The following FRY variants were observed in gnomAD, a reference collection of about 807,000 sequenced individuals.
FRY encodes the protein FRY microtubule binding protein, also known as protein furry homolog.
Under a neutral mutation model 348.4 loss-of-function variants are expected in FRY, and 128 were observed. The observed-to-expected ratio is 0.37, with a 90% CI of 0.32 to 0.43. The LOEUF is 0.43. Ranked by LOEUF, FRY falls within the 20% of genes least tolerant of loss-of-function variation. The pLI, the probability that FRY is intolerant of heterozygous loss-of-function variation, is 1.00. For synonymous variants in FRY, 1,370 were observed against 1,374.7 expected, an observed-to-expected ratio of 1.00 and a Z score of 0.08; for missense variants, 2,736 against 3,695.2, an observed-to-expected ratio of 0.74 and a Z score of 6.73.
At chr13:32,217,904 C>T (rs2138384720) in intron 35 of FRY, among the ~76,000 whole-genome samples, 2 of 152,234 alleles carry the variant, frequency 1.3e-5, no homozygotes, top group Admixed American at 1.3e-4. Flanking sequence ...TAACAAGCCA[C>T]AAGAGAGGCC....
intron 2 of FRY, among the ~76,000 whole-genome samples, chr13:32,092,862 T>C (rs1033776538): frequency 1.3e-5 from 2 of 152,118 alleles, no homozygotes; most frequent in Non-Finnish European, 2.9e-5. Flanking sequence ...ATCAAAAAAA[T>C]TGGAGAATTG....
chr13:32,278,529 C>T lies in FRY; in HGVS notation c.8450C>T (p.Pro2817Leu), dbSNP rs1170446664. 7 of 1,574,038 alleles carry T rather than the reference C, an allele frequency of 4.4e-6. No homozygotes were observed. Among genetic ancestry groups the T allele is most frequent in the Non-Finnish European group, 6.1e-6 (7 of 1,143,700 alleles). Residue 2817 changes from proline (P) to leucine (L), a missense_variant, in exon 58 of 61, where the codon CCA becomes CTA. By Grantham distance (98) the Pro-to-Leu change is moderately conservative. Transcript: ENST00000542859. ...GSRDGVITCQ[P>L]GDSEEKQLEL... ...AGAGATGGAGTAATTACCTGTCAAC[C>T]AGGGGACTCCGAAGAAAAGGTAATA...
At chr13:32,254,440 G>T in intron 51 of FRY, 46 bp downstream of exon 51, 1 of 1,513,402 alleles carries the variant, frequency 6.6e-7, no homozygotes, top group Non-Finnish European at 9.2e-7. Context: ...CCTTTTCCTT[G>T]ACTAATGAAA....
chr13:32,274,556 T>C (rs1223835694), intron 55 of FRY, among the ~76,000 whole-genome samples: 2 of 151,142 alleles, frequency 1.3e-5, no homozygotes, highest in Non-Finnish European at 3.0e-5. Flanking sequence ...TACAAAAAAT[T>C]AGCCAGGCGT....
chr13:32,158,071 C>T (rs1881216930), intron 16 of FRY, among the ~76,000 whole-genome samples: 1 of 152,178 alleles, frequency 6.6e-6, no homozygotes, highest in African/African-American at 2.4e-5. Context: ...TGTCATCCAT[C>T]ATTTTCAACT....
chr13:32,228,264 G>A (rs979646083), intron 39 of FRY, among the ~76,000 whole-genome samples, 192 bp from the exon 40 acceptor site: 1 of 152,140 alleles, frequency 6.6e-6, no homozygotes, highest in Non-Finnish European at 1.5e-5. Context: ...CATTTACACA[G>A]CAGTGCAACT....
At chr13:32,267,461 C>G in intron 55 of FRY, 102 bp downstream of exon 55, 1 of 979,694 alleles carries the variant, frequency 1.0e-6, no homozygotes. Context: ...GGTTATACTA[C>G]TGTATTTTCT....
At chr13:32,265,882 T>C (rs1887901338) in intron 54 of FRY, among the ~76,000 whole-genome samples, 1 of 152,194 alleles carries the variant, frequency 6.6e-6, no homozygotes, top group Non-Finnish European at 1.5e-5. Context: ...CCTGGAAACA[T>C]GGTCCAGACC....
chr13:32,235,946 A>G (rs910830363), intron 42 of FRY, 132 bp from the exon 43 acceptor site: 39 of 749,298 alleles, frequency 5.2e-5, no homozygotes, highest in Admixed American at 1.2e-4. Context: ...TGGCCCTTAA[A>G]GCTTATTTTA....
At chr13:32,195,989 T>G (rs995463292) in intron 29 of FRY, among the ~76,000 whole-genome samples, 1 of 152,216 alleles carries the variant, frequency 6.6e-6, no homozygotes, top group African/African-American at 2.4e-5. Context: ...TCCACATAAA[T>G]TCTCAGCCTG....
In FRY at chr13:32,228,413, A is replaced by C. The variant is rs536782412; in HGVS notation, c.5207-43A>C. The C allele has an allele frequency of 3.0e-5, 43 of 1,423,556 alleles. 1 individual carries two copies. In the South Asian group the frequency reaches 4.7e-4, roughly 16 times the overall value. The allele number at this position is 1,423,556 out of a possible 1,614,324, so 88.2% of individuals were successfully genotyped here. Reference sequence around the variant, plus strand: ...GACCTCATTAAGCATGCTGACAAGCACACTGCCTAGTACATCCCTCCTTGA... The same window carrying C: ...GACCTCATTAAGCATGCTGACAAGCCCACTGCCTAGTACATCCCTCCTTGA... On this transcript the variant is annotated intron_variant, in intron 39 of 60. Coordinates refer to ENST00000542859, the MANE Select transcript of FRY (RefSeq NM_023037.3).
At chr13:32,118,166 T>A (rs894762931) in intron 4 of FRY, among the ~76,000 whole-genome samples, 1 of 152,214 alleles carries the variant, frequency 6.6e-6, no homozygotes, top group African/African-American at 2.4e-5. Flanking sequence ...TAAGCACATA[T>A]AATTTCATAT....
intron 59 of FRY, among the ~76,000 whole-genome samples, chr13:32,289,947 G>GGA (rs1416770865): frequency 2.6e-5 from 4 of 152,194 alleles, no homozygotes; most frequent in Non-Finnish European, 4.4e-5. Context: ...TATGGAAAGT[G>GGA]AGGTGCCTCA....
At chr13:32,168,362 G>A (rs1303075462) in intron 17 of FRY, among the ~76,000 whole-genome samples, 1 of 152,222 alleles carries the variant, frequency 6.6e-6, no homozygotes, top group Non-Finnish European at 1.5e-5. Flanking sequence ...CCACATGAGG[G>A]AGGGAAAACT....
At position 32,251,907 on chromosome 13, in the gene FRY, C is replaced by A; in HGVS notation, c.7200C>A (p.Val2400=). 2 of 1,612,990 alleles carry A rather than the reference C, an allele frequency of 1.2e-6. No individual in the cohort carries two copies. The highest frequency in any genetic ancestry group is 1.7e-6 in the Non-Finnish European group (2 of 1,179,020). The change falls in exon 50 of 61, where the codon GTC becomes GTA. Residue 2400 remains valine, a synonymous_variant. Transcript: ENST00000542859. ...GAACAAAAGAGAAGTTGGTACATGT[C>A]CTTTCTCTGTGTGGCCAAGAAGTAG... ...QKRTKEKLVH[V]LSLCGQEVGL... is the part of the protein sequence containing the mutation.
chr13:32,164,939 T>A (rs1171763237), intron 17 of FRY, among the ~76,000 whole-genome samples: 2 of 152,250 alleles, frequency 1.3e-5, no homozygotes, highest in African/African-American at 4.8e-5. Flanking sequence ...AAGGGCTTGC[T>A]GTTGAGTATT....
At chr13:32,251,682 T>C (rs945559529) in intron 49 of FRY, among the ~76,000 whole-genome samples, 196 bp from the exon 50 acceptor site, 1 of 152,258 alleles carries the variant, frequency 6.6e-6, no homozygotes, top group Non-Finnish European at 1.5e-5. Context: ...ATATTTAAAA[T>C]ATTATTTCAA....
intron 48 of FRY, 116 bp from the exon 49 acceptor site, chr13:32,249,410 C>A: frequency 8.9e-7 from 1 of 1,119,030 alleles, no homozygotes; most frequent in Non-Finnish European, 1.3e-6. Flanking sequence ...TAACACTGAA[C>A]TTCTCTAATC....
chr13:32,228,603 C>T lies in FRY; in HGVS notation c.5354C>T (p.Ala1785Val). 1.2e-6 allele frequency: 2 copies of T among 1,614,124 alleles called. No individual in the cohort carries two copies. The highest frequency in any genetic ancestry group is 1.7e-6 in the Non-Finnish European group (2 of 1,179,982). The change falls in exon 40 of 61, where the codon GCT (alanine) becomes GTT (valine). Residue 1785 changes from alanine (A) to valine (V), a missense_variant. Physicochemically the swap from Ala to Val is moderately conservative, Grantham distance 64. Around this residue, in one of 9 missense-constraint regions of FRY, gnomAD observed 794 missense variants for 977.0 expected, o/e 0.81. Transcript: ENST00000542859. ...CAGGAGGTAGAAGATGTGGACACAG[C>T]TGCTGAAACAGATGAGAAGGCAAAC... ...MTQEVEDVDT[A>V]AETDEKANKL...
Sources: allele counts gnomAD v4.1 joint callset (sites outside exome capture counted in the v4.1 genomes callset), GRCh38; gene constraint gnomAD v4.1.1; regional missense constraint gnomAD v4.1.1; transcripts MANE v1.5; gene names NCBI Gene and HGNC (gene_info 2026-07-23, HGNC 2026-07-21).